The following DDI2 variants were observed in gnomAD, a reference collection of about 807,000 sequenced individuals.
DDI2 encodes DDI proteasomal shuttling factor 2, also known as protein DDI1 homolog 2.
Under a neutral mutation model 48.1 loss-of-function variants are expected in DDI2, and 5 were observed. That is an observed-to-expected ratio of 0.10 (90% CI 0.05 to 0.22). The LOEUF (loss-of-function observed/expected upper bound fraction) is 0.22. Ranked by LOEUF, DDI2 falls within the 10% of genes least tolerant of loss-of-function variation. DDI2 has a pLI of 1.00. For missense variants in DDI2, 285 were observed against 506.2 expected, an observed-to-expected ratio of 0.56 and a Z score of 4.19; for synonymous variants, 205 against 183.6, an observed-to-expected ratio of 1.12 and a Z score of -0.94.
chr1:15,636,755 A>G (rs1639936995), intron 4 of DDI2, among the ~76,000 whole-genome samples: 1 of 152,222 alleles, frequency 6.6e-6, no homozygotes, highest in Admixed American at 6.5e-5. Flanking sequence ...CTGCTGTGCC[A>G]GGCCTTAGTG....
chr1:15,647,835 A>G (rs1640114780), intron 6 of DDI2, among the ~76,000 whole-genome samples: 1 of 152,054 alleles, frequency 6.6e-6, no homozygotes, highest in South Asian at 2.1e-4. Flanking sequence ...TCATGACCGT[A>G]CGCCTGTAGT....
Position 15,659,977 on chromosome 1 carries a change from G to A in DDI2, c.*187G>A. ...TCTTGCTCGCTCTGTCTCTGCTTCA[G>A]TCTGCCCTATCAAGCCCAGTGACTC... On this transcript the variant is annotated 3_prime_UTR_variant, in exon 10 of 10. Transcript: ENST00000480945. The A allele has an allele frequency of 1.2e-6, 2 of 1,614,168 alleles. No individual in the cohort carries two copies. The highest frequency in any genetic ancestry group is 1.1e-5 in the South Asian group (1 of 91,086).
chr1:15,644,403 T>G (rs532702696), intron 6 of DDI2, among the ~76,000 whole-genome samples: 105 of 152,216 alleles, frequency 6.9e-4, no homozygotes, highest in African/African-American at 2.2e-3. Context: ...TGAGACTAAT[T>G]ATCAGACATG....
intron 7 of DDI2, 93 bp from the exon 8 acceptor site, chr1:15,651,613 C>CT: frequency 8.0e-7 from 1 of 1,251,202 alleles, no homozygotes; most frequent in Non-Finnish European, 1.1e-6. Flanking sequence ...GTCACCGTGC[C>CT]TGGCCATTTG....
At chr1:15,635,656 C>G (rs1349820093) in intron 4 of DDI2, among the ~76,000 whole-genome samples, 1 of 152,186 alleles carries the variant, frequency 6.6e-6, no homozygotes, top group Non-Finnish European at 1.5e-5. Context: ...CCACCCTCCT[C>G]ATCCTCCCAA....
rs914092470 is a variant in DDI2 at position 15,636,628 on chromosome 1, C to T, written c.633-1679C>T. Reference sequence around the variant, plus strand: ...CTGAGACTACAGGCTTGTGCTACCACGCCCAGCTAATTATAGTGATAGGGT... The same window carrying T: ...CTGAGACTACAGGCTTGTGCTACCATGCCCAGCTAATTATAGTGATAGGGT... On this transcript the variant is annotated intron_variant, in intron 4 of 9. Coordinates refer to ENST00000480945, the MANE Select transcript of DDI2 (RefSeq NM_032341.5). 3.3e-5 allele frequency among the ~76,000 whole-genome samples: 5 copies of T among 152,200 alleles called. No individual in the cohort carries two copies. In the East Asian group the frequency reaches 9.6e-4, roughly 29 times the overall value.
At chr1:15,635,429 G>A (rs989581813) in intron 4 of DDI2, among the ~76,000 whole-genome samples, 1 of 152,064 alleles carries the variant, frequency 6.6e-6, no homozygotes, top group East Asian at 1.9e-4. Flanking sequence ...GGCCCAAGAC[G>A]GAGTCTTGCT....
At chr1:15,618,082 G>A in intron 1 of DDI2, among the ~76,000 whole-genome samples, 1 of 152,172 alleles carries the variant, frequency 6.6e-6, no homozygotes, top group East Asian at 1.9e-4. Flanking sequence ...GGACTGTTGA[G>A]CAGCGCTAAC....
chr1:15,651,261 C>T (rs1640177651), intron 7 of DDI2, among the ~76,000 whole-genome samples: 2 of 152,320 alleles, frequency 1.3e-5, no homozygotes, highest in South Asian at 4.1e-4. Context: ...CAGTCTCCAA[C>T]TTTATAGATG....
At chr1:15,654,542 G>C (rs565031081) in intron 8 of DDI2, among the ~76,000 whole-genome samples, 1 of 151,696 alleles carries the variant, frequency 6.6e-6, no homozygotes, top group South Asian at 2.1e-4. Flanking sequence ...TATGGTCTCA[G>C]CTGTTTGAGA....
intron 4 of DDI2, among the ~76,000 whole-genome samples, 197 bp from the exon 5 acceptor site, chr1:15,638,109 AT>A (rs1639954697): frequency 6.6e-6 from 1 of 152,048 alleles, no homozygotes; most frequent in Non-Finnish European, 1.5e-5. Flanking sequence ...ATGCCTTTAG[AT>A]TTTCTGCCAG....
At position 15,661,744 on chromosome 1, in the gene DDI2, C is replaced by A; in HGVS notation, c.*1954C>A. ...ATGACTGTGGGAAAGTGGGCTAGACCGTTCTCCATTCCCTTTAAACAAAAG... is the reference window on the plus strand; with the variant it reads ...ATGACTGTGGGAAAGTGGGCTAGACAGTTCTCCATTCCCTTTAAACAAAAG... On this transcript the variant is annotated 3_prime_UTR_variant, in exon 10 of 10. Transcript: ENST00000480945. 1.9e-6 allele frequency: 3 copies of A among 1,580,506 alleles called. No homozygotes were observed. The highest frequency in any genetic ancestry group is 2.3e-5 in the South Asian group (2 of 85,184).
At position 15,617,730 on chromosome 1, in the gene DDI2, G is replaced by A; in HGVS notation, c.60G>A (p.Gln20=). 6.2e-7 allele frequency: 1 copy of A among 1,610,886 alleles called. No homozygotes were observed. Among genetic ancestry groups the A allele is most frequent in the Non-Finnish European group, 8.5e-7 (1 of 1,178,962 alleles). The change falls in exon 1 of 10, where the codon CAG becomes CAA. Residue 20 remains glutamine, a synonymous_variant. Transcript: ENST00000480945. ...RDLSEVTFSL[Q]VDADFELHNF... ...TCTCCGAGGTGACCTTTTCCCTCCAGGTCGACGCCGACTTCGAGCTGCACA... is the reference window on the plus strand; with the variant it reads ...TCTCCGAGGTGACCTTTTCCCTCCAAGTCGACGCCGACTTCGAGCTGCACA...
intron 1 of DDI2, among the ~76,000 whole-genome samples, chr1:15,624,115 A>C (rs2103461509): frequency 6.6e-6 from 1 of 152,296 alleles, no homozygotes; most frequent in Non-Finnish European, 1.5e-5. Context: ...CTGTTCATGT[A>C]TCTCTAAATA....
intron 8 of DDI2, chr1:15,656,407 G>T: frequency 2.1e-6 from 3 of 1,415,090 alleles, no homozygotes; most frequent in Non-Finnish European, 1.8e-6. Flanking sequence ...TTAAAAATCT[G>T]TTGAAATTAA....
intron 6 of DDI2, among the ~76,000 whole-genome samples, chr1:15,647,869 T>A (rs1449882894): frequency 6.6e-6 from 1 of 151,966 alleles, no homozygotes. Context: ...GAGGCTGAGG[T>A]GAGAGGATCA....
rs1482412228 is a variant in DDI2 at position 15,638,214 on chromosome 1, T to C, written c.633-93T>C. 11 of 1,572,222 alleles carry C rather than the reference T, an allele frequency of 7.0e-6. No homozygotes were observed. The African/African-American group carries it at 8.2e-5, about 12-fold the overall frequency. ...GCTGCTGTGCTTGGGGCAAAAGATA[T>C]GTACAAATCTGTTTTTTAATATTGT... On this transcript the variant is annotated intron_variant, in intron 4 of 9. Transcript: ENST00000480945.
Position 15,660,922 on chromosome 1 carries a change from A to G in DDI2, c.*1132A>G, listed in dbSNP as rs373325289. 2.7e-5 allele frequency: 43 copies of G among 1,613,596 alleles called. No homozygotes were observed. The African/African-American group carries it at 2.8e-4, about 11-fold the overall frequency. ...GTCAGCAGAAGAATCTTGCCCGTCT[A>G]TAACGGCAGCCTTGAAAGAACTTCA... On this transcript the variant is annotated 3_prime_UTR_variant, in exon 10 of 10. Transcript: ENST00000480945.
intron 2 of DDI2, among the ~76,000 whole-genome samples, chr1:15,628,060 C>CT (rs879475685): frequency 1.0e-4 from 15 of 147,442 alleles, no homozygotes; most frequent in South Asian, 6.5e-4. Flanking sequence ...GAATTTACTT[C>CT]TTTTTTTTTT....
Sources: gnomAD v4.1 joint callset for allele counts (sites outside exome capture counted in the v4.1 genomes callset) on GRCh38, gnomAD v4.1.1 for gene constraint, MANE v1.5 for transcripts, NCBI Gene and HGNC (gene_info 2026-07-23, HGNC 2026-07-21) for gene names.